LEKR1: variants seen among roughly 807,000 people sequenced by gnomAD.
The protein encoded by LEKR1 is leucine, glutamate and lysine rich 1.
LEKR1 carries 59 observed loss-of-function variants against 72.4 expected under a neutral mutation model. That is an observed-to-expected ratio of 0.82 (90% CI 0.66 to 1.01). The LOEUF (loss-of-function observed/expected upper bound fraction) is 1.01. Ranked by LOEUF, LEKR1 falls within the 50% of genes least tolerant of loss-of-function variation. The probability of loss-of-function intolerance (pLI) is 0.00; values close to 1 mark genes in which losing one functional copy is unlikely to be tolerated. For missense variants in LEKR1, 728 were observed against 759.2 expected, an observed-to-expected ratio of 0.96 and a Z score of 0.48; for synonymous variants, 257 against 263.2, an observed-to-expected ratio of 0.98 and a Z score of 0.23.
At chr3:156,849,959 G>C (rs571881282) in intron 2 of LEKR1, among the ~76,000 whole-genome samples, 2 of 152,156 alleles carry the variant, frequency 1.3e-5, no homozygotes, top group Admixed American at 1.3e-4. Context: ...ACCACCATCA[G>C]AGTGAACAGG....
At chr3:156,936,461 ACACACC>A (rs760773687) in intron 5 of LEKR1, among the ~76,000 whole-genome samples, 4,575 of 126,096 alleles carry the variant, frequency 0.036, 79 homozygotes, top group South Asian at 0.11. Context: ...ACACACACAC[ACACACC>A]CCCCGTATGC....
At chr3:156,975,011 T>C (rs1331633212) in intron 6 of LEKR1, among the ~76,000 whole-genome samples, 2 of 152,166 alleles carry the variant, frequency 1.3e-5, no homozygotes, top group African/African-American at 2.4e-5. Context: ...ATAGCTAACA[T>C]GTGCGTGTTA....
intron 10 of LEKR1, among the ~76,000 whole-genome samples, chr3:157,016,265 T>C (rs545414484): frequency 6.6e-6 from 1 of 152,138 alleles, no homozygotes; most frequent in African/African-American, 2.4e-5. Flanking sequence ...AAACCCAAGT[T>C]CACCAAGGGA....
chr3:156,830,202 T>A (rs1455248527), intron 2 of LEKR1, among the ~76,000 whole-genome samples: 1 of 152,220 alleles, frequency 6.6e-6, no homozygotes. Flanking sequence ...AGCTCAGGCA[T>A]TGTGATTATC....
intron 9 of LEKR1, among the ~76,000 whole-genome samples, chr3:157,000,678 G>T (rs1731934159): frequency 6.6e-6 from 1 of 152,028 alleles, no homozygotes; most frequent in Non-Finnish European, 1.5e-5. Flanking sequence ...CCCTGCACCG[G>T]CCATGTAAGA....
chr3:156,996,775 A>T (rs1731603467), intron 9 of LEKR1, among the ~76,000 whole-genome samples: 1 of 152,152 alleles, frequency 6.6e-6, no homozygotes, highest in Admixed American at 6.5e-5. Flanking sequence ...GGTTAAAAAG[A>T]TCTTCTCATT....
intron 5 of LEKR1, among the ~76,000 whole-genome samples, chr3:156,937,533 G>C (rs1257693968): frequency 6.6e-6 from 1 of 152,122 alleles, no homozygotes; most frequent in African/African-American, 2.4e-5. Flanking sequence ...TCTTGACATG[G>C]ATCAGAGAAA....
intron 2 of LEKR1, among the ~76,000 whole-genome samples, chr3:156,850,796 C>G (rs899761767): frequency 3.3e-5 from 5 of 152,024 alleles, no homozygotes; most frequent in African/African-American, 4.8e-5. Context: ...GTCACATTGC[C>G]AAACATAGCA....
At chr3:156,852,728 G>T (rs890150601) in intron 2 of LEKR1, 40 bp from the exon 3 acceptor site, 3 of 1,092,880 alleles carry the variant, frequency 2.7e-6, no homozygotes, top group Non-Finnish European at 3.8e-6. Flanking sequence ...TGTTTTTTCA[G>T]AATTAAAAAA....
chr3:156,971,406 A>T (rs1292733923), intron 6 of LEKR1, among the ~76,000 whole-genome samples: 4 of 152,218 alleles, frequency 2.6e-5, no homozygotes, highest in African/African-American at 7.2e-5. Context: ...AACCTAGGCA[A>T]TACAATTCAG....
chr3:156,975,288 T>C (rs1576930238), intron 6 of LEKR1, among the ~76,000 whole-genome samples: 1 of 152,172 alleles, frequency 6.6e-6, no homozygotes, highest in East Asian at 1.9e-4. Context: ...AGTACAGCCT[T>C]CTATTTTACA....
chr3:156,919,090 G>A (rs977537781), intron 3 of LEKR1, among the ~76,000 whole-genome samples: 1 of 152,146 alleles, frequency 6.6e-6, no homozygotes, highest in Non-Finnish European at 1.5e-5. Context: ...CATGGCCACC[G>A]GCTTTCAGCC....
intron 3 of LEKR1, among the ~76,000 whole-genome samples, chr3:156,871,118 C>T (rs1717884238): frequency 6.6e-6 from 1 of 152,012 alleles, no homozygotes; most frequent in African/African-American, 2.4e-5. Flanking sequence ...CCCCCCAACC[C>T]ACAACAGTCC....
chr3:156,970,538 A>G (rs1168106253), intron 6 of LEKR1, among the ~76,000 whole-genome samples: 3 of 152,166 alleles, frequency 2.0e-5, no homozygotes, highest in African/African-American at 7.2e-5. Flanking sequence ...AGTTGGGAAA[A>G]GAGGAAGTCA....
intron 3 of LEKR1, among the ~76,000 whole-genome samples, chr3:156,870,244 AT>A (rs1717771559): frequency 6.6e-6 from 1 of 152,060 alleles, no homozygotes; most frequent in African/African-American, 2.4e-5. Context: ...GAAAAATGAC[AT>A]TGATATTTGA....
At chr3:156,927,704 G>C (rs1724847048) in intron 5 of LEKR1, 100 bp downstream of exon 5, 1 of 427,734 alleles carries the variant, frequency 2.3e-6, no homozygotes, top group African/African-American at 2.2e-5. Context: ...TGGGAATTAG[G>C]ATTAACTTTG....
chr3:156,974,065 T>C (rs867843455), intron 6 of LEKR1, among the ~76,000 whole-genome samples: 1 of 152,052 alleles, frequency 6.6e-6, no homozygotes, highest in African/African-American at 2.4e-5. Context: ...CACAACAAGA[T>C]GGGTAAAAAA....
At chr3:156,946,931 T>C (rs1576878314) in intron 6 of LEKR1, among the ~76,000 whole-genome samples, 1 of 151,318 alleles carries the variant, frequency 6.6e-6, no homozygotes, top group Non-Finnish European at 1.5e-5. Context: ...TGTTCCTGAA[T>C]AGCCAGTGGG....
intron 3 of LEKR1, among the ~76,000 whole-genome samples, chr3:156,898,415 T>C (rs957477476): frequency 6.6e-6 from 1 of 152,080 alleles, no homozygotes; most frequent in Admixed American, 6.5e-5. Context: ...AGTCCTCAAA[T>C]GCATTTATTA....
Sources: gnomAD v4.1 joint callset for allele counts (sites outside exome capture counted in the v4.1 genomes callset) on GRCh38, gnomAD v4.1.1 for gene constraint, MANE v1.5 for transcripts, NCBI Gene and HGNC (gene_info 2026-07-23, HGNC 2026-07-21) for gene names.